Variants in NPHP3 observed in about 807,000 individuals in gnomAD.
NPHP3 encodes the protein nephrocystin 3.
A neutral mutation model predicts 171.9 loss-of-function variants in NPHP3; 123 were observed. The ratio of observed to expected loss-of-function variants is 0.72; its 90% confidence interval spans 0.62 to 0.83. The LOEUF is 0.83. NPHP3 is among the 40% of genes least tolerant of loss of function. The probability of loss-of-function intolerance (pLI) is 0.00; values close to 1 mark genes in which losing one functional copy is unlikely to be tolerated. For missense variants in NPHP3, 1,506 were observed against 1,591.9 expected, an observed-to-expected ratio of 0.95 and a Z score of 0.92; for synonymous variants, 558 against 579.2, an observed-to-expected ratio of 0.96 and a Z score of 0.52.
intron 1 of NPHP3, 181 bp downstream of exon 1, chr3:132,721,782 C>CA: frequency 3.5e-6 from 3 of 860,278 alleles, no homozygotes; most frequent in Non-Finnish European, 3.8e-6. Flanking sequence ...ACCCTGTCTC[C>CA]AAAAAAAGAG....
intron 18 of NPHP3, 142 bp downstream of exon 18, chr3:132,691,050 T>TA: frequency 1.3e-6 from 1 of 759,814 alleles, no homozygotes; most frequent in East Asian, 2.5e-5. Flanking sequence ...CTTTTGACAT[T>TA]AACAGAATAG....
At chr3:132,718,967 C>G in intron 3 of NPHP3, 27 bp downstream of exon 3, 1 of 1,613,338 alleles carries the variant, frequency 6.2e-7, no homozygotes, top group South Asian at 1.1e-5. Flanking sequence ...GTTGAAAGCT[C>G]AAAATATAAA....
Position 132,719,771 on chromosome 3 carries a change from T to C in NPHP3, c.453A>G (p.Lys151=), listed in dbSNP as rs781620145. 1 of 1,604,676 alleles carries C rather than the reference T, an allele frequency of 6.2e-7. No homozygotes were observed. Among genetic ancestry groups the C allele is most frequent in the South Asian group, 1.1e-5 (1 of 89,644 alleles). ...TTGCTGCTCTCTCCATTGCTTGGTA[T>C]TTCGCTTCTAAAGCACTTTCTTTTT... ...LREKESALEA[K]YQAMERAATF... The change falls in exon 2 of 27, where the codon AAA becomes AAG. Residue 151 remains lysine, a synonymous_variant. Transcript: ENST00000337331.
At chr3:132,709,800 C>T (rs986770775) in intron 6 of NPHP3, among the ~76,000 whole-genome samples, 9 of 152,140 alleles carry the variant, frequency 5.9e-5, no homozygotes, top group African/African-American at 1.2e-4. Context: ...TATATTTCTG[C>T]GCCAATCCAT....
rs768377585 is a variant in NPHP3, at chr3:132,704,383, G to C, written c.1351-12C>G. 1.2e-6 allele frequency: 2 copies of C among 1,613,922 alleles called. No homozygotes were observed. The highest frequency in any genetic ancestry group is 1.7e-6 in the Non-Finnish European group (2 of 1,179,932). On this transcript the variant is annotated splice_polypyrimidine_tract_variant and intron_variant, in intron 8 of 26. Transcript: ENST00000337331. The stretch of plus-strand genomic sequence containing the variant: ...AAACCCAGTATGTCCTAAACACAAA[G>C]AACAACCACACAAAAATGAATGAAG...
chr3:132,713,365 A>T (rs1939965050), intron 5 of NPHP3, 79 bp from the exon 6 acceptor site: 1 of 951,258 alleles, frequency 1.1e-6, no homozygotes, highest in Admixed American at 2.6e-5. Context: ...TTAAAATAAA[A>T]AGCACGCTTT....
Position 132,688,895 on chromosome 3 carries a change from G to C in NPHP3, c.2884-4C>G, listed in dbSNP as rs185913426. 1.2e-4 allele frequency: 198 copies of C among 1,614,022 alleles called. No homozygotes were observed. The highest frequency in any genetic ancestry group is 6.3e-4 in the African/African-American group (47 of 75,016). On this transcript the variant is annotated splice_region_variant and splice_polypyrimidine_tract_variant and intron_variant, in intron 20 of 26. Transcript: ENST00000337331. ...ACCTCTGCAAAGGTACTATGGCCTG[G>C]GGGGAAAAGGGGTGAAAGGCCAGTT...
chr3:132,695,293 G>A (rs754738875), intron 15 of NPHP3: 3 of 237,384 alleles, frequency 1.3e-5, no homozygotes, highest in Admixed American at 5.1e-5. Context: ...GCAGGGAAAC[G>A]ATGATAAGTA....
intron 3 of NPHP3, among the ~76,000 whole-genome samples, chr3:132,717,667 G>T (rs1940089972): frequency 1.3e-5 from 2 of 150,694 alleles, no homozygotes; most frequent in South Asian, 2.1e-4. Context: ...CTGTACATTT[G>T]AGTATGTCAA....
Position 132,705,789 on chromosome 3 carries a change from G to A in NPHP3, c.1301C>T (p.Ala434Val). ...AATATAAGTTTTATATACTCCTTCT[G>A]CAGGATCTCCTGAGTGATCAATGAT... ...AKIIDHSGDP[A>V]EGVYKTYICV... The change falls in exon 8 of 27, where the codon GCA becomes GTA. Residue 434 changes from alanine (A) to valine (V), a missense_variant. Transcript: ENST00000337331. 6.6e-7 allele frequency: 1 copy of A among 1,510,998 alleles called. No individual in the cohort carries two copies. Among genetic ancestry groups the A allele is most frequent in the Non-Finnish European group, 9.2e-7 (1 of 1,087,620 alleles). 93.6% of individuals were successfully genotyped at this position (1,510,998 alleles called of 1,614,324 possible).
At chr3:132,687,867 T>C (rs997410916) in intron 21 of NPHP3, among the ~76,000 whole-genome samples, 2 of 152,204 alleles carry the variant, frequency 1.3e-5, no homozygotes, top group African/African-American at 4.8e-5. Context: ...AGAGTTAATA[T>C]TTTAGGCTTT....
At chr3:132,718,071 A>G (rs920487251) in intron 3 of NPHP3, 9 of 454,528 alleles carry the variant, frequency 2.0e-5, no homozygotes, top group Non-Finnish European at 3.5e-5. Flanking sequence ...TTTTTCCTTA[A>G]AAGTTAGCAA....
rs375032661 is a variant in NPHP3, at chr3:132,694,969, T to C, written c.2172-4A>G. 2.8e-5 allele frequency: 45 copies of C among 1,613,552 alleles called. No individual in the cohort carries two copies. In the African/African-American group the frequency reaches 4.9e-4, roughly 18 times the overall value. On this transcript the variant is annotated splice_region_variant and splice_polypyrimidine_tract_variant and intron_variant, in intron 15 of 26. Transcript: ENST00000337331. ...TAAATTGCCTGCTCTCCCAGCACTGTTGGAATCGAGAAGAGATTTAATTTC... is the reference window on the plus strand; with the variant it reads ...TAAATTGCCTGCTCTCCCAGCACTGCTGGAATCGAGAAGAGATTTAATTTC...
intron 12 of NPHP3, 67 bp downstream of exon 12, chr3:132,699,851 C>A (rs868459941): frequency 4.5e-5 from 68 of 1,504,316 alleles, no homozygotes; most frequent in Middle Eastern, 1.7e-4. Flanking sequence ...TAAATGCCTG[C>A]TCTAGCTATT....
chr3:132,711,682 A>G (rs1481939441), intron 6 of NPHP3, among the ~76,000 whole-genome samples: 1 of 152,204 alleles, frequency 6.6e-6, no homozygotes, highest in East Asian at 1.9e-4. Context: ...AAATAATGTA[A>G]CAACAAATAA....
chr3:132,684,119 T>C (rs1473484185), intron 24 of NPHP3, among the ~76,000 whole-genome samples: 3 of 152,180 alleles, frequency 2.0e-5, no homozygotes, highest in African/African-American at 7.2e-5. Context: ...TACATTTAAT[T>C]ACAGGCAAAG....
chr3:132,687,278 C>CT, intron 21 of NPHP3, 52 bp from the exon 22 acceptor site: 1 of 827,976 alleles, frequency 1.2e-6, no homozygotes, highest in African/African-American at 1.7e-5. Flanking sequence ...TCAAAGTATA[C>CT]TTCAGTGAAA....
rs1250955989 is a variant in NPHP3, at chr3:132,699,477, T to C, written c.1888-27A>G. ...TTAAAAATATAAAAACAAAATTCAATCTATTAATCAAAATATTTCAAAACA... is the reference window on the plus strand; with the variant it reads ...TTAAAAATATAAAAACAAAATTCAACCTATTAATCAAAATATTTCAAAACA... On this transcript the variant is annotated intron_variant, in intron 12 of 26. Transcript: ENST00000337331. The C allele has an allele frequency of 3.5e-6, 5 of 1,441,900 alleles. No homozygotes were observed. The Admixed American group carries it at 6.8e-5, about 20-fold the overall frequency. 89.3% of individuals were successfully genotyped at this position (1,441,900 alleles called of 1,614,324 possible).
intron 19 of NPHP3, among the ~76,000 whole-genome samples, chr3:132,689,555 G>A (rs182729649): frequency 5.3e-4 from 80 of 152,240 alleles, no homozygotes; most frequent in African/African-American, 1.9e-3. Flanking sequence ...AGTACTCCAC[G>A]GTGTTGGCTG....
Sources: gnomAD v4.1 joint callset for allele counts (sites outside exome capture counted in the v4.1 genomes callset) on GRCh38, gnomAD v4.1.1 for gene constraint, MANE v1.5 for transcripts, NCBI Gene and HGNC (gene_info 2026-07-23, HGNC 2026-07-21) for gene names.